SNTG1: variants seen among roughly 807,000 people sequenced by gnomAD.
SNTG1 encodes the protein syntrophin gamma 1.
A neutral mutation model predicts 74.7 loss-of-function variants in SNTG1; 39 were observed. That is an observed-to-expected ratio of 0.52 (90% CI 0.40 to 0.68). SNTG1 has a LOEUF of 0.68. SNTG1 is among the 30% of genes least tolerant of loss of function. SNTG1 has a pLI of 0.00. For synonymous variants in SNTG1, 254 were observed against 217.1 expected, an observed-to-expected ratio of 1.17 and a Z score of -1.49; for missense variants, 685 against 609.5, an observed-to-expected ratio of 1.12 and a Z score of -1.30.
intron 8 of SNTG1, among the ~76,000 whole-genome samples, chr8:50,493,739 A>G (rs1294394305): frequency 3.3e-5 from 5 of 150,624 alleles, no homozygotes; most frequent in African/African-American, 1.2e-4. Context: ...CTATTTATAT[A>G]TATAATATTT....
chr8:50,232,585 A>G (rs2085685033), intron 2 of SNTG1, among the ~76,000 whole-genome samples: 2 of 151,470 alleles, frequency 1.3e-5, no homozygotes, highest in South Asian at 4.1e-4. Context: ...ACATTTTTAA[A>G]CAGTGCGAGA....
At chr8:50,230,542 G>A (rs905851714) in intron 2 of SNTG1, among the ~76,000 whole-genome samples, 1 of 151,272 alleles carries the variant, frequency 6.6e-6, no homozygotes, top group Admixed American at 6.6e-5. Flanking sequence ...TTACTATTAA[G>A]GAAATAGAAA....
chr8:50,033,811 C>G (rs1233988919), intron 1 of SNTG1, among the ~76,000 whole-genome samples: 1 of 152,084 alleles, frequency 6.6e-6, no homozygotes, highest in Non-Finnish European at 1.5e-5. Context: ...CAGCCACATT[C>G]TGAGGTATTG....
intron 2 of SNTG1, among the ~76,000 whole-genome samples, chr8:50,383,654 G>A (rs895691297): frequency 1.3e-5 from 2 of 152,120 alleles, no homozygotes; most frequent in African/African-American, 4.8e-5. Flanking sequence ...CACCTGGTAA[G>A]GTAACCCAAA....
At chr8:50,390,592 C>T (rs552436001) in intron 2 of SNTG1, among the ~76,000 whole-genome samples, 15 of 152,206 alleles carry the variant, frequency 9.9e-5, no homozygotes, top group African/African-American at 3.4e-4. Flanking sequence ...GTAGTTTTTC[C>T]CAAATTCTGT....
intron 2 of SNTG1, among the ~76,000 whole-genome samples, chr8:50,205,532 C>T (rs943344494): frequency 2.0e-4 from 31 of 152,248 alleles, no homozygotes; most frequent in African/African-American, 6.5e-4. Context: ...TGCCTGTTCA[C>T]GCTGATGGTA....
chr8:50,785,873 CAG>C (rs1043129525), intron 18 of SNTG1, among the ~76,000 whole-genome samples: 44 of 151,948 alleles, frequency 2.9e-4, no homozygotes, highest in Admixed American at 2.7e-3. Flanking sequence ...TAAAATCAAT[CAG>C]AGCAATACAC....
intron 2 of SNTG1, among the ~76,000 whole-genome samples, chr8:50,219,164 A>G (rs1340562267): frequency 2.0e-5 from 3 of 152,204 alleles, no homozygotes; most frequent in East Asian, 1.9e-4. Flanking sequence ...AGCATTTCCA[A>G]TGACAGGCTG....
In SNTG1 at chr8:50,590,889, T is replaced by C; in HGVS notation, c.821T>C (p.Ile274Thr). 1 of 1,570,652 alleles carries C rather than the reference T, an allele frequency of 6.4e-7. No individual in the cohort carries two copies. The highest frequency in any genetic ancestry group is 8.7e-7 in the Non-Finnish European group (1 of 1,154,206). ...SNLTKHNIKK[I>T]NRNFPVNQQI... ...TATTTATCATTGCAGATTAAAAAAA[T>C]CAACAGAAACTTTCCTGTAAACCAG... The change falls in exon 13 of 19, where the codon ATC becomes ACC. Residue 274 changes from isoleucine (I) to threonine (T), a missense_variant. Coordinates refer to ENST00000642720, the MANE Select transcript of SNTG1 (RefSeq NM_018967.5).
intron 17 of SNTG1, among the ~76,000 whole-genome samples, chr8:50,717,618 T>C (rs926126800): frequency 6.6e-6 from 1 of 152,232 alleles, no homozygotes; most frequent in Non-Finnish European, 1.5e-5. Context: ...TCATGCTTTT[T>C]CTTTCTGTTT....
intron 17 of SNTG1, among the ~76,000 whole-genome samples, chr8:50,735,740 G>A (rs2095526822): frequency 6.6e-6 from 1 of 151,874 alleles, no homozygotes; most frequent in African/African-American, 2.4e-5. Context: ...TAGCAAGATA[G>A]GCCAACATTC....
At chr8:50,736,697 T>A (rs1327375414) in intron 17 of SNTG1, among the ~76,000 whole-genome samples, 1 of 151,878 alleles carries the variant, frequency 6.6e-6, no homozygotes, top group Non-Finnish European at 1.5e-5. Context: ...CCCCAGCAAA[T>A]GCAAAAGAAT....
At chr8:50,462,803 T>C (rs1381821903) in intron 8 of SNTG1, among the ~76,000 whole-genome samples, 1 of 16,060 alleles carries the variant, frequency 6.2e-5, no homozygotes, top group East Asian at 3.5e-3. Context: ...ACTCTTTTTT[T>C]TTTTTTTTTT....
intron 2 of SNTG1, among the ~76,000 whole-genome samples, chr8:50,204,385 T>C (rs534391200): frequency 1.9e-4 from 29 of 152,118 alleles, no homozygotes; most frequent in Non-Finnish European, 4.1e-4. Flanking sequence ...ATTATCTTGA[T>C]CATGATTTTC....
intron 2 of SNTG1, among the ~76,000 whole-genome samples, chr8:50,296,529 C>T (rs2089382242): frequency 1.3e-5 from 2 of 152,192 alleles, no homozygotes; most frequent in Middle Eastern, 6.8e-3. Context: ...AACTAAACAC[C>T]TCATGTTCTC....
At position 50,101,184 on chromosome 8, in the gene SNTG1, G is replaced by C. The variant is rs77608782; in HGVS notation, c.-102-71377G>C. On this transcript the variant is annotated intron_variant, in intron 1 of 18. Transcript: ENST00000642720. ...ATTTTCCTTACGCAATCCATCATTG[G>C]TGGGCATCTAGGTTTATGCTATGTC... 8.4e-3 allele frequency among the ~76,000 whole-genome samples: 1,278 copies of C among 151,972 alleles called. 26 individuals carry two copies. Among genetic ancestry groups the C allele is most frequent in the African/African-American group, 0.029 (1,204 of 41,432 alleles).
At chr8:49,985,579 T>C (rs1373113761) in intron 1 of SNTG1, among the ~76,000 whole-genome samples, 1 of 152,192 alleles carries the variant, frequency 6.6e-6, no homozygotes, top group East Asian at 1.9e-4. Context: ...TTTTTATCAT[T>C]ACAATATGAG....
chr8:50,089,855 C>A (rs906956853), intron 1 of SNTG1, among the ~76,000 whole-genome samples: 44 of 152,122 alleles, frequency 2.9e-4, no homozygotes, highest in Non-Finnish European at 3.7e-4. Flanking sequence ...GTGGCGATTC[C>A]TCAGGGATCT....
chr8:50,188,822 CT>C (rs1396587659), intron 2 of SNTG1, among the ~76,000 whole-genome samples: 4 of 152,066 alleles, frequency 2.6e-5, no homozygotes, highest in Admixed American at 2.6e-4. Flanking sequence ...ATAGTAAGGC[CT>C]TGATCCCAAA....
Sources: gnomAD v4.1 joint callset for allele counts (sites outside exome capture counted in the v4.1 genomes callset) on GRCh38, gnomAD v4.1.1 for gene constraint, MANE v1.5 for transcripts, NCBI Gene and HGNC (gene_info 2026-07-23, HGNC 2026-07-21) for gene names.